Variants in LRRC7 observed in about 807,000 individuals in gnomAD.
LRRC7 encodes the protein leucine rich repeat containing 7, also known as leucine-rich repeat-containing protein 7.
A neutral mutation model predicts 175.7 loss-of-function variants in LRRC7; 23 were observed. The ratio of observed to expected loss-of-function variants is 0.13; its 90% CI spans 0.09 to 0.19. LRRC7 has a LOEUF of 0.19. LRRC7 is among the 10% of genes least tolerant of loss of function. LRRC7 has a pLI of 1.00. For synonymous variants in LRRC7, 685 were observed against 680.9 expected (o/e 1.01, Z -0.09); for missense variants, 1,354 against 1,904.7 (o/e 0.71, Z 5.38).
At chr1:69,717,570 G>A (rs1209370172) in intron 2 of LRRC7, among the ~76,000 whole-genome samples, 1 of 151,414 alleles carries the variant, frequency 6.6e-6, no homozygotes, top group African/African-American at 2.4e-5. Context: ...CCATAAAGTG[G>A]CACACGCTTA....
intron 1 of LRRC7, among the ~76,000 whole-genome samples, chr1:69,677,709 T>A (rs899567504): frequency 1.4e-4 from 21 of 152,138 alleles, no homozygotes; most frequent in African/African-American, 5.1e-4. Flanking sequence ...TTTTTTAAAT[T>A]TATTTACTTT....
At chr1:69,894,404 G>T (rs1014823250) in intron 7 of LRRC7, among the ~76,000 whole-genome samples, 3 of 152,162 alleles carry the variant, frequency 2.0e-5, no homozygotes, top group Non-Finnish European at 2.9e-5. Context: ...TTCAAGATAT[G>T]AGAATATGTG....
chr1:69,652,325 A>T (rs1418976425), intron 1 of LRRC7, among the ~76,000 whole-genome samples: 1 of 152,200 alleles, frequency 6.6e-6, no homozygotes, highest in Non-Finnish European at 1.5e-5. Context: ...ACAAAAAATA[A>T]ATTACATTCT....
At chr1:69,604,624 T>C (rs1248529228) in intron 1 of LRRC7, among the ~76,000 whole-genome samples, 1 of 152,148 alleles carries the variant, frequency 6.6e-6, no homozygotes, top group Non-Finnish European at 1.5e-5. Flanking sequence ...TGAAGGAATG[T>C]GGTGTTTTTG....
intron 11 of LRRC7, among the ~76,000 whole-genome samples, chr1:69,995,170 A>AT (rs1190090926): frequency 6.6e-6 from 1 of 152,132 alleles, no homozygotes; most frequent in Non-Finnish European, 1.5e-5. Flanking sequence ...TAAAGATAAA[A>AT]TATACTCCAT....
chr1:69,649,224 T>A (rs1478173431), intron 1 of LRRC7, among the ~76,000 whole-genome samples: 1 of 152,226 alleles, frequency 6.6e-6, no homozygotes, highest in East Asian at 1.9e-4. Flanking sequence ...TATTCATACA[T>A]AAAGTGGAAA....
chr1:70,117,268 A>G (rs1335722522), intron 26 of LRRC7, among the ~76,000 whole-genome samples: 1 of 152,220 alleles, frequency 6.6e-6, no homozygotes, highest in African/African-American at 2.4e-5. Context: ...TTTGGATAAT[A>G]AGAATGCAAC....
At chr1:69,662,486 G>A (rs867943426) in intron 1 of LRRC7, among the ~76,000 whole-genome samples, 19 of 152,090 alleles carry the variant, frequency 1.2e-4, no homozygotes, top group South Asian at 2.1e-4. Flanking sequence ...GCTGGTCTTT[G>A]TTCTTTTGGT....
intron 7 of LRRC7, among the ~76,000 whole-genome samples, chr1:69,928,504 G>C (rs918365785): frequency 4.8e-4 from 73 of 152,332 alleles, no homozygotes; most frequent in African/African-American, 1.7e-3. Context: ...AGCAAGCCTG[G>C]GCAATGGTGG....
intron 1 of LRRC7, among the ~76,000 whole-genome samples, chr1:69,582,626 G>A (rs1360971111): frequency 6.6e-6 from 1 of 152,172 alleles, no homozygotes; most frequent in East Asian, 1.9e-4. Context: ...GCTCAGTGAT[G>A]CCATCAGGAA....
intron 1 of LRRC7, chr1:69,607,911 C>A (rs1647881352): frequency 6.6e-6 from 1 of 152,160 alleles, no homozygotes; most frequent in Admixed American, 6.6e-5. Context: ...CTTGTATAAA[C>A]CCTTCCCAAA....
intron 2 of LRRC7, among the ~76,000 whole-genome samples, chr1:69,737,585 A>G (rs1668262863): frequency 6.6e-6 from 1 of 152,094 alleles, no homozygotes; most frequent in Non-Finnish European, 1.5e-5. Context: ...ATGGCTGCAG[A>G]GTGACATCAG....
At position 70,038,782 on chromosome 1, in the gene LRRC7, G is replaced by A. The variant is rs750854247; in HGVS notation, c.2958G>A (p.Gln986=). 4 of 1,613,972 alleles carry A rather than the reference G, an allele frequency of 2.5e-6. 1 individual carries two copies. In the South Asian group the frequency reaches 4.4e-5, roughly 18 times the overall value. ...DIKSNKFKKS[Q]SIDEIDIGTY... ...AGTCTAATAAATTCAAAAAGTCACA[G>A]AGTATCGATGAGATTGACATTGGTA... Residue 986 remains glutamine (Q), a synonymous_variant, in exon 21 of 27, where the codon CAG becomes CAA. Transcript: ENST00000651989.
intron 23 of LRRC7, among the ~76,000 whole-genome samples, chr1:70,055,812 G>A (rs1160837588): frequency 1.3e-5 from 2 of 152,048 alleles, no homozygotes; most frequent in African/African-American, 4.8e-5. Flanking sequence ...CAACACTTGG[G>A]GATTACAATT....
intron 4 of LRRC7, among the ~76,000 whole-genome samples, chr1:69,794,854 C>T (rs1001025103): frequency 6.6e-6 from 1 of 152,170 alleles, no homozygotes; most frequent in African/African-American, 2.4e-5. Flanking sequence ...TCAGAAGTAT[C>T]TGTAAGCATC....
In LRRC7 at chr1:69,568,466, T is replaced by C; in HGVS notation, c.-174T>C. On this transcript the variant is annotated 5_prime_UTR_variant, in exon 1 of 27. Transcript: ENST00000651989. ...GGCATCATGGTCTAACGTGGCACCT[T>C]CCTGGATTCCCCTCTATCTCCTGTT... is the stretch of plus-strand genomic sequence containing the variant. 1 of 414,272 alleles carries C rather than the reference T, an allele frequency of 2.4e-6. No individual in the cohort carries two copies. Among genetic ancestry groups the C allele is most frequent in the Non-Finnish European group, 4.3e-6 (1 of 235,148 alleles). 25.7% of individuals were successfully genotyped at this position (414,272 alleles called of 1,614,324 possible).
chr1:70,048,493 A>G (rs1571169728), intron 22 of LRRC7, among the ~76,000 whole-genome samples: 1 of 151,876 alleles, frequency 6.6e-6, no homozygotes, highest in Non-Finnish European at 1.5e-5. Context: ...TACTCTTTCT[A>G]CTCTATGATG....
chr1:69,887,479 A>G (rs1645673571), intron 7 of LRRC7, among the ~76,000 whole-genome samples: 2 of 145,370 alleles, frequency 1.4e-5, no homozygotes, highest in South Asian at 4.4e-4. Flanking sequence ...CAGCTCCTTT[A>G]AGCACTTCTC....
intron 10 of LRRC7, among the ~76,000 whole-genome samples, chr1:69,993,492 A>G (rs1283926608): frequency 6.6e-6 from 1 of 152,188 alleles, no homozygotes; most frequent in Non-Finnish European, 1.5e-5. Flanking sequence ...TTCTCAAAAC[A>G]TGTTCACAAA....
Sources: allele counts gnomAD v4.1 joint callset (sites outside exome capture counted in the v4.1 genomes callset), GRCh38; gene constraint gnomAD v4.1.1; transcripts MANE v1.5; gene names NCBI Gene and HGNC (gene_info 2026-07-23, HGNC 2026-07-21).